The following VBP1 variants were observed in gnomAD, a reference collection of about 807,000 sequenced individuals.
The protein encoded by VBP1 is VHL binding protein 1.
VBP1 carries 4 observed loss-of-function variants against 15.5 expected under a neutral mutation model. The ratio of observed to expected loss-of-function variants is 0.26; its 90% CI spans 0.13 to 0.59. The LOEUF is 0.59. VBP1 is among the 20% of genes least tolerant of loss of function. The probability of loss-of-function intolerance (pLI) is 0.90; values close to 1 mark genes in which losing one functional copy is unlikely to be tolerated. For synonymous variants in VBP1, 61 were observed against 52.1 expected (o/e 1.17, Z -0.74); for missense variants, 108 against 139.6 (o/e 0.77, Z 1.14).
intron 1 of VBP1, among the ~76,000 whole-genome samples, chrX:155,217,185 A>T (rs1032266757): frequency 2.7e-5 from 3 of 111,347 alleles, no homozygotes; most frequent in Non-Finnish European, 5.7e-5. Flanking sequence ...CGTTTTAACT[A>T]CATCATTCTA....
chrX:155,220,585 T>C (rs957626783), intron 2 of VBP1, among the ~76,000 whole-genome samples: 1 of 111,628 alleles, frequency 9.0e-6, no homozygotes, highest in Non-Finnish European at 1.9e-5. Context: ...TAACGTCTTA[T>C]ATGTCTAGTT....
At chrX:155,209,309 T>C (rs1462521466) in intron 2 of VBP1, among the ~76,000 whole-genome samples, 16 of 111,649 alleles carry the variant, frequency 1.4e-4, no homozygotes, top group African/African-American at 5.2e-4. Flanking sequence ...AGTCTGGAGA[T>C]TTCAAGGATG....
intron 1 of VBP1, among the ~76,000 whole-genome samples, chrX:155,206,057 AC>A (rs1227990232): frequency 2.7e-5 from 3 of 112,149 alleles, no homozygotes; most frequent in Non-Finnish European, 5.6e-5. Context: ...ATTAAAAGAA[AC>A]AAAAACCCAT....
exon 2 of VBP1, chrX:155,208,956 C>T: frequency 8.7e-7 from 1 of 1,155,039 alleles, no homozygotes; most frequent in Non-Finnish European, 1.1e-6. Flanking sequence ...ACCAGTAGTC[C>T]TTCCACTCCA....
At chrX:155,198,358 C>G (rs928473383) in intron 1 of VBP1, among the ~76,000 whole-genome samples, 3 of 111,918 alleles carry the variant, frequency 2.7e-5, no homozygotes, top group Non-Finnish European at 5.7e-5. Flanking sequence ...TGGGAGGCAC[C>G]CCTAGTAGGG....
At chrX:155,231,861 A>T (rs1183843295) in intron 4 of VBP1, among the ~76,000 whole-genome samples, 1 of 111,750 alleles carries the variant, frequency 8.9e-6, no homozygotes, top group Non-Finnish European at 1.9e-5. Context: ...ATTGTTTTAA[A>T]ATTTCTTGTA....
At position 155,210,525 on chromosome X, in the gene VBP1, A is replaced by G. The variant is rs112283581; in HGVS notation, c.78+1544A>G. On this transcript the variant is annotated intron_variant, in intron 2 of 6. Coordinates refer to the VBP1 transcript ENST00000535916. ...CCCTCTGAGTGCCCTCAGTAGCCAC[A>G]GTACAAGCCTTACTTCATACCAGGT... Among the ~76,000 whole-genome samples, 111 of 111,841 alleles carry G rather than the reference A, an allele frequency of 9.9e-4. 1 individual carries two copies. The highest frequency in any genetic ancestry group is 1.7e-3 in the Non-Finnish European group (88 of 53,123).
intron 5 of VBP1, among the ~76,000 whole-genome samples, chrX:155,237,573 T>G (rs2074779904): frequency 9.0e-6 from 1 of 111,716 alleles, no homozygotes; most frequent in Admixed American, 9.5e-5. Flanking sequence ...TGACCTCTTC[T>G]TGCCTTTCCC....
intron 4 of VBP1, among the ~76,000 whole-genome samples, chrX:155,234,046 T>C (rs1443041422): frequency 4.6e-5 from 5 of 108,630 alleles, no homozygotes; most frequent in African/African-American, 1.7e-4. Context: ...TACCTCATGG[T>C]TTCATACTGT....
intron 2 of VBP1, among the ~76,000 whole-genome samples, chrX:155,224,744 G>A (rs2124080953): frequency 8.9e-6 from 1 of 112,461 alleles, no homozygotes; most frequent in African/African-American, 3.2e-5. Flanking sequence ...ACTTGAATCT[G>A]AGATCTTTTA....
chrX:155,234,632 C>T (rs1484200067), intron 4 of VBP1, among the ~76,000 whole-genome samples: 4 of 111,727 alleles, frequency 3.6e-5, no homozygotes, highest in South Asian at 3.7e-4. Flanking sequence ...CCATTATATA[C>T]TGTTTGCTCT....
chrX:155,225,869 A>T (rs782226271), intron 2 of VBP1, among the ~76,000 whole-genome samples: 2 of 112,043 alleles, frequency 1.8e-5, no homozygotes, highest in Admixed American at 1.9e-4. Context: ...TAGATTATTC[A>T]CTGGACTGTA....
chrX:155,202,565 C>G lies in VBP1; in HGVS notation c.-31+5426C>G, dbSNP rs1295393169. Among the ~76,000 whole-genome samples the G allele has an allele frequency of 2.8e-5, 3 of 108,981 alleles. No homozygotes were observed. In the Admixed American group the frequency reaches 2.9e-4, roughly 11 times the overall value. The allele number at this position is 108,981 out of a possible 115,157, so 94.6% of individuals were successfully genotyped here. The stretch of plus-strand genomic sequence containing the variant: ...AAACTGGCTAGCCATATGTAGAAAG[C>G]TGAAACTGGATCCCTTCCTTACACC... On this transcript the variant is annotated intron_variant, in intron 1 of 6. Transcript: ENST00000535916.
intron 1 of VBP1, among the ~76,000 whole-genome samples, chrX:155,199,813 C>A (rs200005932): frequency 1.0e-5 from 1 of 96,774 alleles, no homozygotes; most frequent in Admixed American, 1.1e-4. Flanking sequence ...CACAGACTGG[C>A]AAATTGGATA....
intron 1 of VBP1, among the ~76,000 whole-genome samples, chrX:155,200,381 T>C (rs2074597884): frequency 9.3e-6 from 1 of 107,855 alleles, no homozygotes; most frequent in African/African-American, 3.4e-5. Context: ...TCAGCAAATG[T>C]AAAACAACAG....
intron 1 of VBP1, among the ~76,000 whole-genome samples, chrX:155,199,907 G>A (rs1369687746): frequency 6.3e-5 from 7 of 111,168 alleles, no homozygotes; most frequent in Non-Finnish European, 3.8e-5. Context: ...TAAAAGGATG[G>A]AGGAAGATCT....
intron 1 of VBP1, among the ~76,000 whole-genome samples, chrX:155,207,727 A>G (rs1361924711): frequency 8.9e-6 from 1 of 111,778 alleles, no homozygotes; most frequent in African/African-American, 3.2e-5. Context: ...TTAAGATCCA[A>G]GTGCTAGACT....
chrX:155,223,300 CAT>C, intron 2 of VBP1, among the ~76,000 whole-genome samples: 1 of 107,032 alleles, frequency 9.3e-6, no homozygotes, highest in Non-Finnish European at 1.9e-5. Context: ...AGCAGGTAAA[CAT>C]GTGAACAAAG....
intron 1 of VBP1, among the ~76,000 whole-genome samples, chrX:155,208,594 C>T (rs1294586120): frequency 8.9e-6 from 1 of 111,825 alleles, no homozygotes. Flanking sequence ...CATTTGTAGG[C>T]CTTACTTTGT....
Sources: gnomAD v4.1 joint callset for allele counts (sites outside exome capture counted in the v4.1 genomes callset) on GRCh38, gnomAD v4.1.1 for gene constraint, MANE v1.5 for transcripts, NCBI Gene and HGNC (gene_info 2026-07-23, HGNC 2026-07-21) for gene names.